The following GABRB1 variants were observed in gnomAD, a reference collection of about 807,000 sequenced individuals.
The protein encoded by GABRB1 is gamma-aminobutyric acid receptor subunit beta-1.
A neutral mutation model predicts 51.6 loss-of-function variants in GABRB1; 17 were observed. The observed-to-expected ratio is 0.33, with a 90% CI of 0.23 to 0.49. GABRB1 has a LOEUF of 0.49. Ranked by LOEUF, GABRB1 falls within the 20% of genes least tolerant of loss-of-function variation. The probability of loss-of-function intolerance (pLI) is 0.99; values close to 1 mark genes in which losing one functional copy is unlikely to be tolerated. For synonymous variants in GABRB1, 247 were observed against 218.9 expected, an observed-to-expected ratio of 1.13 and a Z score of -1.14; for missense variants, 410 against 600.6, an observed-to-expected ratio of 0.68 and a Z score of 3.32.
At chr4:47,311,709 T>TAA (rs1724694221) in intron 4 of GABRB1, among the ~76,000 whole-genome samples, 1 of 152,200 alleles carries the variant, frequency 6.6e-6, no homozygotes, top group African/African-American at 2.4e-5. Flanking sequence ...CCACTAAGCT[T>TAA]GTGGTACCTT....
intron 1 of GABRB1, among the ~76,000 whole-genome samples, chr4:47,014,186 A>G (rs912058238): frequency 1.3e-5 from 2 of 152,158 alleles, no homozygotes; most frequent in Admixed American, 6.5e-5. Flanking sequence ...TCATGTATCC[A>G]TATATTATTG....
intron 3 of GABRB1, among the ~76,000 whole-genome samples, chr4:47,106,731 C>T (rs1031777499): frequency 6.6e-6 from 1 of 152,050 alleles, no homozygotes; most frequent in East Asian, 1.9e-4. Flanking sequence ...ACTCAGAAGC[C>T]TCCCATCTCT....
At chr4:47,350,218 T>TATATATATATAGAGAGAG (rs750199965) in intron 5 of GABRB1, among the ~76,000 whole-genome samples, 1 of 56,652 alleles carries the variant, frequency 1.8e-5, no homozygotes, top group East Asian at 8.9e-4. Flanking sequence ...TATATATATA[T>TATATATATATAGAGAGAG]AGAGAGAGAG....
At chr4:47,370,831 CG>C (rs1215264714) in intron 5 of GABRB1, among the ~76,000 whole-genome samples, 1 of 152,072 alleles carries the variant, frequency 6.6e-6, no homozygotes, top group Non-Finnish European at 1.5e-5. Flanking sequence ...CATTAGTGGG[CG>C]GGAATGAGGT....
chr4:47,186,217 G>C (rs190160166), intron 4 of GABRB1, among the ~76,000 whole-genome samples: 1 of 150,904 alleles, frequency 6.6e-6, no homozygotes, highest in Non-Finnish European at 1.5e-5. Context: ...ATGAATTGGT[G>C]GGGGGGCGGG....
chr4:47,342,419 G>T (rs1262026495), intron 5 of GABRB1, among the ~76,000 whole-genome samples: 1 of 151,884 alleles, frequency 6.6e-6, no homozygotes, highest in East Asian at 1.9e-4. Context: ...CAATGCAAAA[G>T]GATTAAAATT....
intron 5 of GABRB1, among the ~76,000 whole-genome samples, chr4:47,340,845 C>T (rs16860118): frequency 0.016 from 2,446 of 152,210 alleles, 84 homozygotes; most frequent in African/African-American, 0.056. Flanking sequence ...GCTGTGGTAG[C>T]GATGCCAAGT....
At chr4:47,223,536 T>C (rs1003744431) in intron 4 of GABRB1, among the ~76,000 whole-genome samples, 1 of 152,160 alleles carries the variant, frequency 6.6e-6, no homozygotes, top group Non-Finnish European at 1.5e-5. Flanking sequence ...CTGACAATTA[T>C]AAATCATTAC....
chr4:47,404,242 T>TA (rs1400034685), intron 7 of GABRB1, among the ~76,000 whole-genome samples: 1 of 152,154 alleles, frequency 6.6e-6, no homozygotes, highest in Admixed American at 6.5e-5. Flanking sequence ...GCTATATTAA[T>TA]AATCTGTGGT....
chr4:47,140,292 T>C (rs1219715349), intron 3 of GABRB1, among the ~76,000 whole-genome samples: 1 of 152,000 alleles, frequency 6.6e-6, no homozygotes, highest in African/African-American at 2.4e-5. Context: ...TTTGAGAGTA[T>C]AATAAGGAAA....
chr4:47,183,136 C>T (rs2109772530), intron 4 of GABRB1, among the ~76,000 whole-genome samples: 1 of 151,562 alleles, frequency 6.6e-6, no homozygotes, highest in Admixed American at 6.6e-5. Context: ...GAGAAAAACA[C>T]ATGATGAGAT....
In GABRB1 at chr4:47,077,320, T is replaced by A. The variant is rs1339360113; in HGVS notation, c.240+44836T>A. Among the ~76,000 whole-genome samples, 3 of 152,360 alleles carry A rather than the reference T, an allele frequency of 2.0e-5. No individual in the cohort carries two copies. In the East Asian group the frequency reaches 5.8e-4, roughly 29 times the overall value. On this transcript the variant is annotated intron_variant, in intron 3 of 8. Coordinates refer to ENST00000295454, the MANE Select transcript of GABRB1 (RefSeq NM_000812.4). ...CTAGATTTCTTTTTGAATAGAGCAG[T>A]TCTTTAAAGACTTTAGGTCACAAAA...
chr4:47,405,308 C>G (rs762865608), intron 7 of GABRB1, among the ~76,000 whole-genome samples: 2 of 152,130 alleles, frequency 1.3e-5, no homozygotes, highest in Non-Finnish European at 2.9e-5. Flanking sequence ...TAGTCAAATC[C>G]GGGAATATAC....
intron 8 of GABRB1, among the ~76,000 whole-genome samples, chr4:47,422,421 C>G (rs1729118071): frequency 6.6e-6 from 1 of 152,118 alleles, no homozygotes; most frequent in Admixed American, 6.6e-5. Flanking sequence ...TCCTTGCTAC[C>G]AATTCAGTCT....
chr4:47,249,451 T>C (rs1721895950), intron 4 of GABRB1, among the ~76,000 whole-genome samples: 1 of 152,142 alleles, frequency 6.6e-6, no homozygotes, highest in Non-Finnish European at 1.5e-5. Flanking sequence ...TTGGAAAAAG[T>C]TCCATGCACT....
At chr4:47,332,484 G>A (rs970905313) in intron 5 of GABRB1, among the ~76,000 whole-genome samples, 1 of 152,166 alleles carries the variant, frequency 6.6e-6, no homozygotes, top group African/African-American at 2.4e-5. Flanking sequence ...AATGAAACAA[G>A]TATATAATTT....
At chr4:47,070,371 G>C (rs554390750) in intron 3 of GABRB1, among the ~76,000 whole-genome samples, 1 of 140,600 alleles carries the variant, frequency 7.1e-6, no homozygotes, top group Admixed American at 7.2e-5. Context: ...CACTCTTTTT[G>C]CCCAGGCTAG....
rs150059249 is a variant in GABRB1 at position 47,065,363 on chromosome 4, G to T, written c.240+32879G>T. 1.3e-3 allele frequency among the ~76,000 whole-genome samples: 203 copies of T among 152,266 alleles called. 3 individuals are homozygous for T. The highest frequency in any genetic ancestry group is 4.4e-3 in the African/African-American group (183 of 41,542). The stretch of plus-strand genomic sequence containing the variant: ...AGACATGTGATATTTTTCCCCTTTA[G>T]CAAAAGTTGGAAAACTGCCTCCTTG... On this transcript the variant is annotated intron_variant, in intron 3 of 8. Transcript: ENST00000295454.
intron 3 of GABRB1, among the ~76,000 whole-genome samples, chr4:47,093,078 T>G (rs966327860): frequency 3.9e-5 from 6 of 152,250 alleles, no homozygotes; most frequent in African/African-American, 1.4e-4. Context: ...TTTATTAAGT[T>G]AATTGATAAT....
Sources: allele counts gnomAD v4.1 joint callset (sites outside exome capture counted in the v4.1 genomes callset), GRCh38; gene constraint gnomAD v4.1.1; transcripts MANE v1.5; gene names NCBI Gene and HGNC (gene_info 2026-07-23, HGNC 2026-07-21).